ZNF444: variants seen among roughly 807,000 people sequenced by gnomAD.
The protein encoded by ZNF444 is zinc finger protein 444, also known as endothelial zinc finger protein 2.
Under a neutral mutation model 14.4 loss-of-function variants are expected in ZNF444, and 8 were observed. The ratio of observed to expected loss-of-function variants is 0.56; its 90% confidence interval spans 0.33 to 1.00. ZNF444 has a LOEUF of 1.00. ZNF444 is among the 50% of genes least tolerant of loss of function. The probability of loss-of-function intolerance (pLI) is 0.03; values close to 1 mark genes in which losing one functional copy is unlikely to be tolerated. For missense variants in ZNF444, 510 were observed against 504.8 expected (o/e 1.01, Z -0.10); for synonymous variants, 258 against 235.9 (o/e 1.09, Z -0.86).
At chr19:56,153,657 G>A (rs1052023077) in intron 3 of ZNF444, among the ~76,000 whole-genome samples, 7 of 152,224 alleles carry the variant, frequency 4.6e-5, no homozygotes, top group Non-Finnish European at 8.8e-5. Flanking sequence ...AGGGAAAGGG[G>A]ATAGTTTAAG....
chr19:56,134,469 A>G (rs2030566855), intron 1 of ZNF444, among the ~76,000 whole-genome samples: 2 of 152,190 alleles, frequency 1.3e-5, no homozygotes, highest in South Asian at 4.1e-4. Flanking sequence ...TGGGCGGAGC[A>G]GTCACCCAAA....
Position 56,146,982 on chromosome 19 carries a change from G to C in ZNF444, c.71G>C (p.Arg24Pro). 1 of 1,439,570 alleles carries C rather than the reference G, an allele frequency of 6.9e-7. No individual in the cohort carries two copies. 89.2% of individuals were successfully genotyped at this position (1,439,570 alleles called of 1,614,324 possible). ...CTGGACTCCCCGTGGCACCGCTTCC[G>C]CCGCTTCCACCTGGGCGACGCGCCG... is the stretch of plus-strand genomic sequence containing the variant. ...LALDSPWHRF[R>P]RFHLGDAPGP... Residue 24 changes from arginine (R) to proline (P), a missense_variant, in exon 3 of 5, where the codon CGC (arginine) becomes CCC (proline). Arg to Pro is a moderately radical substitution (Grantham distance 103). Transcript: ENST00000337080.
chr19:56,146,753 C>T (rs962161169), intron 2 of ZNF444, 137 bp from the exon 3 acceptor site: 151 of 713,080 alleles, frequency 2.1e-4, no homozygotes, highest in Non-Finnish European at 2.8e-4. Flanking sequence ...CGCCACTGCA[C>T]TCCAACCTGG....
intron 3 of ZNF444, among the ~76,000 whole-genome samples, chr19:56,153,935 C>T (rs1303223333): frequency 1.3e-5 from 2 of 152,142 alleles, no homozygotes; most frequent in Non-Finnish European, 2.9e-5. Context: ...TAATCAAGGT[C>T]CAAACTCAAT....
intron 3 of ZNF444, among the ~76,000 whole-genome samples, chr19:56,152,268 A>G (rs529260171): frequency 6.6e-6 from 1 of 150,386 alleles, no homozygotes; most frequent in African/African-American, 2.4e-5. Context: ...GGAGCTGGAG[A>G]TTGCAGTGAA....
intron 1 of ZNF444, among the ~76,000 whole-genome samples, chr19:56,133,497 C>T (rs1368660129): frequency 2.0e-5 from 3 of 151,996 alleles, no homozygotes; most frequent in Admixed American, 6.6e-5. Flanking sequence ...CACTGAGCCT[C>T]GATTATCCCA....
upstream of ZNF444, among the ~76,000 whole-genome samples, chr19:56,140,514 G>A (rs1049325284): frequency 1.3e-5 from 2 of 152,164 alleles, no homozygotes; most frequent in Non-Finnish European, 2.9e-5. Flanking sequence ...TGAGGCTAAA[G>A]AGAGGGCGGT....
At chr19:56,135,000 G>A (rs1005559354) in intron 1 of ZNF444, among the ~76,000 whole-genome samples, 3 of 152,014 alleles carry the variant, frequency 2.0e-5, no homozygotes, top group Non-Finnish European at 2.9e-5. Context: ...GGGAGGCCGA[G>A]GTGGGTGGAT....
chr19:56,141,646 G>GGGGGA lies in ZNF444; in HGVS notation c.-197+294_-197+298dup, dbSNP rs1265350194. ...GGGAGAGGACGGGGGAGGGGCGCCT[G>GGGGGA]GGGGAGGGGGAGGGGCGGGACGGGG... On this transcript the variant is annotated intron_variant, in intron 1 of 4. Coordinates refer to ENST00000337080, the MANE Select transcript of ZNF444 (RefSeq NM_018337.4). 4.5e-4 allele frequency: 7 copies of GGGGGA among 15,634 alleles called. No homozygotes were observed. The Non-Finnish European group carries it at 5.6e-3, about 12-fold the overall frequency. 1.0% of individuals were successfully genotyped at this position (15,634 alleles called of 1,614,324 possible).
rs759442720 is a variant in ZNF444 at position 56,158,512 on chromosome 19, G to A, written c.316G>A (p.Asp106Asn). Residue 106 changes from aspartate to asparagine, a missense_variant, in exon 4 of 5, where the codon GAT becomes AAT. Transcript: ENST00000337080. ...EELWGPAASP[D>N]GSSATRVPQD... is the part of the protein sequence containing the mutation. ...ATTTCAGGGGCCAGCAGCCTCCCCC[G>A]ATGGGTCGTCAGCAACGAGGGTGCC... 22 of 1,610,298 alleles carry A rather than the reference G, an allele frequency of 1.4e-5. No homozygotes were observed. Among genetic ancestry groups the A allele is most frequent in the African/African-American group, 1.3e-4 (10 of 74,726 alleles).
At position 56,144,695 on chromosome 19, in the gene ZNF444, G is replaced by GATT. The variant is rs1191744840; in HGVS notation, c.-196-1549_-196-1547dup. Among the ~76,000 whole-genome samples, 6 of 152,260 alleles carry GATT rather than the reference G, an allele frequency of 3.9e-5. No individual in the cohort carries two copies. In the East Asian group the frequency reaches 1.2e-3, roughly 29 times the overall value. ...TCTCAGACCTCACCGGCTAGAAGCA[G>GATT]ATTATGTGCCCACCCTCTGCCTTGT... On this transcript the variant is annotated intron_variant, in intron 1 of 4. Transcript: ENST00000337080. This position sits in a 1 kb window ranked among gnomAD's most constrained non-coding sequence, Gnocchi z 4.0.
intron 3 of ZNF444, chr19:56,157,592 T>C (rs192162894): frequency 1.3e-5 from 2 of 151,652 alleles, no homozygotes; most frequent in East Asian, 3.9e-4. Flanking sequence ...TTTAGTAGAG[T>C]TAGGATTTCA....
At chr19:56,143,718 G>A (rs1368660416) in intron 1 of ZNF444, 2 of 152,194 alleles carry the variant, frequency 1.3e-5, no homozygotes, top group Non-Finnish European at 1.5e-5. Flanking sequence ...GGAGTCTCTC[G>A]CCCACATGAA....
chr19:56,148,376 C>T lies in ZNF444; in HGVS notation c.297+1168C>T, dbSNP rs556241223. 1.1e-3 allele frequency among the ~76,000 whole-genome samples: 169 copies of T among 152,172 alleles called. 1 individual carries two copies. Among genetic ancestry groups the T allele is most frequent in the Non-Finnish European group, 1.8e-3 (122 of 68,006 alleles). On this transcript the variant is annotated intron_variant, in intron 3 of 4. Transcript: ENST00000337080. The stretch of plus-strand genomic sequence containing the variant: ...CAGGAGGGTGAAGAGTCAGAGCAGT[C>T]GCGTGTTCCTCATAAGTGCGTACCG...
chr19:56,160,346 A>G lies in ZNF444; in HGVS notation c.*145A>G, dbSNP rs1036130857. 3.3e-6 allele frequency: 2 copies of G among 605,844 alleles called. No individual in the cohort carries two copies. Among genetic ancestry groups the G allele is most frequent in the East Asian group, 7.1e-5 (2 of 28,148 alleles). The allele number at this position is 605,844 out of a possible 1,614,324, so 37.5% of individuals were successfully genotyped here. Reference sequence around the variant, plus strand: ...GCGCCTCCCTTGTCTGAACTTCCCAACGCCTTCCTATTCCTTTCCAACTCC... The same window carrying G: ...GCGCCTCCCTTGTCTGAACTTCCCAGCGCCTTCCTATTCCTTTCCAACTCC... On this transcript the variant is annotated 3_prime_UTR_variant, in exon 5 of 5. Transcript: ENST00000337080.
chr19:56,148,685 C>G (rs2031368526), intron 3 of ZNF444, among the ~76,000 whole-genome samples: 1 of 152,196 alleles, frequency 6.6e-6, no homozygotes, highest in African/African-American at 2.4e-5. Flanking sequence ...CGCCCTCCTT[C>G]CGGGTCATTG....
At chr19:56,140,435 C>T (rs928067463), upstream of ZNF444, among the ~76,000 whole-genome samples, 1 of 152,134 alleles carries the variant, frequency 6.6e-6, no homozygotes, top group Non-Finnish European at 1.5e-5. Flanking sequence ...GGGCAGTAGT[C>T]TGTCCAATAG....
upstream of ZNF444, chr19:56,141,010 G>T (rs2123459433): frequency 6.6e-6 from 1 of 152,266 alleles, no homozygotes; most frequent in South Asian, 2.1e-4. Context: ...CGACATTTGC[G>T]CCGTCAAGGC....
In ZNF444 at chr19:56,134,578, T is replaced by C. The variant is rs370443683; in HGVS notation, c.-197+1800T>C. Among the ~76,000 whole-genome samples the C allele has an allele frequency of 7.9e-4, 121 of 152,268 alleles. No homozygotes were observed. In the South Asian group the frequency reaches 0.023, roughly 29 times the overall value. ...GTGGGGGTGGTCTGGGAAGGCTTCCTGGAGGAGGGGACGTCTGATCACAGA... is the reference window on the plus strand; with the variant it reads ...GTGGGGGTGGTCTGGGAAGGCTTCCCGGAGGAGGGGACGTCTGATCACAGA... On this transcript the variant is annotated intron_variant, in intron 1 of 2. Coordinates refer to the ZNF444 transcript ENST00000587467.
Sources: gnomAD v4.1 joint callset for allele counts (sites outside exome capture counted in the v4.1 genomes callset) on GRCh38, gnomAD v4.1.1 for gene constraint, Gnocchi (gnomAD v3.1) non-coding constraint, MANE v1.5 for transcripts, NCBI Gene and HGNC (gene_info 2026-07-23, HGNC 2026-07-21) for gene names.